Variants in PRKCH observed in about 807,000 individuals in gnomAD.
The protein encoded by PRKCH is protein kinase C eta, also known as protein kinase C eta type.
PRKCH carries 28 observed loss-of-function variants against 82.5 expected under a neutral mutation model. The ratio of observed to expected loss-of-function variants is 0.34; its 90% CI spans 0.25 to 0.47. PRKCH has a LOEUF of 0.47. Among genes scored for constraint, PRKCH ranks in the 20% least tolerant of loss-of-function variants. The pLI, the probability that PRKCH is intolerant of heterozygous loss-of-function variation, is 1.00. For synonymous variants in PRKCH, 322 were observed against 327.4 expected (o/e 0.98, Z 0.18); for missense variants, 705 against 881.8 (o/e 0.80, Z 2.54).
intron 1 of PRKCH, among the ~76,000 whole-genome samples, chr14:61,216,479 A>T (rs541838603): frequency 1.3e-5 from 2 of 152,206 alleles, no homozygotes; most frequent in East Asian, 3.9e-4. Flanking sequence ...CAAAAAAAAA[A>T]CAAAAATTAA....
intron 1 of PRKCH, among the ~76,000 whole-genome samples, chr14:61,259,136 A>G (rs1191312255): frequency 2.0e-5 from 3 of 152,150 alleles, no homozygotes; most frequent in South Asian, 4.1e-4. Context: ...GTTTCTTCTG[A>G]GTGGGAGTCC....
intron 1 of PRKCH, among the ~76,000 whole-genome samples, chr14:61,385,023 T>A (rs1720814593): frequency 1.3e-5 from 2 of 152,078 alleles, no homozygotes; most frequent in Admixed American, 1.3e-4. Flanking sequence ...TATAGAAGAA[T>A]CACATTTTTT....
intron 10 of PRKCH, among the ~76,000 whole-genome samples, chr14:61,520,961 A>G (rs948569988): frequency 2.0e-5 from 3 of 152,246 alleles, no homozygotes; most frequent in Non-Finnish European, 2.9e-5. Context: ...AAGTTGCAAA[A>G]AATTTAAAAC....
At chr14:61,483,215 T>C (rs912619) in intron 9 of PRKCH, among the ~76,000 whole-genome samples, 98,954 of 152,220 alleles carry the variant, frequency 0.65, 37,323 homozygotes, top group Non-Finnish European at 0.84. Context: ...TTGGGATGTT[T>C]CCGGTGTGTG....
intron 2 of PRKCH, among the ~76,000 whole-genome samples, chr14:61,430,790 T>C (rs1202182849): frequency 6.6e-6 from 1 of 151,550 alleles, no homozygotes; most frequent in Non-Finnish European, 1.5e-5. Flanking sequence ...AGTCTTGCTC[T>C]GTTGCCCAGG....
intron 1 of PRKCH, among the ~76,000 whole-genome samples, chr14:61,253,053 A>G (rs1467940812): frequency 6.6e-6 from 1 of 152,196 alleles, no homozygotes; most frequent in African/African-American, 2.4e-5. Context: ...CTTTTGGAGG[A>G]GGAGAAAAAT....
At chr14:61,453,193 T>C in intron 6 of PRKCH, 33 bp from the exon 7 acceptor site, 4 of 1,614,040 alleles carry the variant, frequency 2.5e-6, no homozygotes, top group Non-Finnish European at 3.4e-6. Flanking sequence ...GGTTCCTTTC[T>C]GAACATGGAT....
chr14:61,462,653 C>T (rs1885077381), intron 9 of PRKCH, among the ~76,000 whole-genome samples: 1 of 152,204 alleles, frequency 6.6e-6, no homozygotes, highest in South Asian at 2.1e-4. Flanking sequence ...CAGAAAGATG[C>T]TTACTTTTTA....
At chr14:61,281,506 T>G in intron 1 of PRKCH, 1 of 179,568 alleles carries the variant, frequency 5.6e-6, no homozygotes, top group Admixed American at 6.4e-5. Flanking sequence ...GGACTCCACC[T>G]CCTCTCCTAG....
rs1459793910 is a variant in PRKCH, at chr14:61,188,738, T to TGTGTGA, written c.-19+1071_-19+1072insTGTGAG. ...GTGTGTGTGTGTGTGTGTGTGTGTG[T>TGTGTGA]GATGGAGTTTTGCTCTTGTTGCCCA... On this transcript the variant is annotated intron_variant, in intron 1 of 3. Transcript: ENST00000555185. Among the ~76,000 whole-genome samples, 42 of 145,620 alleles carry TGTGTGA rather than the reference T, an allele frequency of 2.9e-4. 2 individuals are homozygous for TGTGTGA. The highest frequency in any genetic ancestry group is 5.5e-4 in the Admixed American group (8 of 14,540).
chr14:61,458,271 A>G (rs1044505014), intron 9 of PRKCH, among the ~76,000 whole-genome samples: 12 of 152,214 alleles, frequency 7.9e-5, no homozygotes, highest in African/African-American at 2.4e-4. Context: ...GGAACACTTG[A>G]CCAGCGGTGG....
At chr14:61,466,322 C>T (rs1043872772) in intron 9 of PRKCH, among the ~76,000 whole-genome samples, 2 of 152,320 alleles carry the variant, frequency 1.3e-5, no homozygotes, top group African/African-American at 4.8e-5. Context: ...TACATGCTGT[C>T]TCCCTGACTC....
intron 1 of PRKCH, among the ~76,000 whole-genome samples, chr14:61,367,345 CGTGTGTGTGTGTGTATGT>C (rs1388490893): frequency 2.8e-5 from 4 of 142,664 alleles, no homozygotes; most frequent in Non-Finnish European, 4.5e-5. Context: ...TCAGGTATTG[CGTGTGTGTGTGTGTATGT>C]GTGTGTGTGT....
chr14:61,332,083 A>G (rs1008322131), intron 1 of PRKCH, among the ~76,000 whole-genome samples: 2 of 152,198 alleles, frequency 1.3e-5, no homozygotes, highest in Non-Finnish European at 2.9e-5. Flanking sequence ...AGAGACTGAG[A>G]ATCCCACTGT....
chr14:61,522,917 A>G (rs2042923692), intron 10 of PRKCH, among the ~76,000 whole-genome samples: 1 of 152,234 alleles, frequency 6.6e-6, no homozygotes, highest in African/African-American at 2.4e-5. Flanking sequence ...TCACGATGAA[A>G]CCAAATGTTA....
At chr14:61,470,480 C>A (rs548513202) in intron 9 of PRKCH, among the ~76,000 whole-genome samples, 3 of 152,264 alleles carry the variant, frequency 2.0e-5, no homozygotes, top group Admixed American at 2.0e-4. Context: ...TTACAAGGTT[C>A]TTTTTCCTTC....
At chr14:61,480,690 G>A (rs970417288) in intron 9 of PRKCH, among the ~76,000 whole-genome samples, 2 of 152,190 alleles carry the variant, frequency 1.3e-5, no homozygotes, top group Non-Finnish European at 2.9e-5. Flanking sequence ...GAGTGATCAT[G>A]TTTATTAATG....
intron 8 of PRKCH, 53 bp downstream of exon 8, chr14:61,457,372 G>C: frequency 6.2e-7 from 1 of 1,605,000 alleles, no homozygotes; most frequent in Non-Finnish European, 8.5e-7. Context: ...CTGTGTATGG[G>C]GGGTGTGTGT....
At chr14:61,480,724 A>C (rs1382463365) in intron 9 of PRKCH, among the ~76,000 whole-genome samples, 1 of 152,140 alleles carries the variant, frequency 6.6e-6, no homozygotes, top group Admixed American at 6.5e-5. Context: ...TGCACTTCTC[A>C]TTTGTGGGTG....
Sources: gnomAD v4.1 joint callset for allele counts (sites outside exome capture counted in the v4.1 genomes callset) on GRCh38, gnomAD v4.1.1 for gene constraint, MANE v1.5 for transcripts, NCBI Gene and HGNC (gene_info 2026-07-23, HGNC 2026-07-21) for gene names.